The following COL23A1 variants were observed in gnomAD, a reference collection of about 807,000 sequenced individuals.
COL23A1 encodes collagen alpha-1(XXIII) chain.
COL23A1 carries 97 observed loss-of-function variants against 99.3 expected under a neutral mutation model. The observed-to-expected ratio is 0.98, with a 90% CI of 0.83 to 1.16. The LOEUF is 1.16. Among genes scored for constraint, COL23A1 ranks in the 50% most tolerant of loss-of-function variants. The probability of loss-of-function intolerance (pLI) is 0.00; values close to 1 mark genes in which losing one functional copy is unlikely to be tolerated. For missense variants in COL23A1, 762 were observed against 757.4 expected, an observed-to-expected ratio of 1.01 and a Z score of -0.07; for synonymous variants, 320 against 308.2, an observed-to-expected ratio of 1.04 and a Z score of -0.40.
intron 2 of COL23A1, among the ~76,000 whole-genome samples, chr5:178,505,888 G>A (rs1314393926): frequency 6.6e-6 from 1 of 152,070 alleles, no homozygotes; most frequent in Non-Finnish European, 1.5e-5. Flanking sequence ...GTCAGTGAGG[G>A]TGCAAACACC....
rs186904981 is a variant in COL23A1, at chr5:178,492,615, A to G, written c.361+68067T>C. ...GAAGCGCTGCAGTGATCCATGCCACAACGCAAATGCACCTCGAGGATGTTA... is the reference window on the plus strand; with the variant it reads ...GAAGCGCTGCAGTGATCCATGCCACGACGCAAATGCACCTCGAGGATGTTA... On this transcript the variant is annotated intron_variant, in intron 2 of 28. Transcript: ENST00000390654. Among the ~76,000 whole-genome samples the G allele has an allele frequency of 4.6e-5, 7 of 152,002 alleles. No individual in the cohort carries two copies. The East Asian group carries it at 1.4e-3, about 29-fold the overall frequency.
Position 178,479,908 on chromosome 5 carries a change from C to G in COL23A1, c.361+80774G>C, listed in dbSNP as rs909688361. Among the ~76,000 whole-genome samples the G allele has an allele frequency of 2.0e-5, 3 of 152,236 alleles. No homozygotes were observed. The East Asian group carries it at 5.8e-4, about 29-fold the overall frequency. ...TGAACTTACACAAACCTAGATGGGG[C>G]GGCCTACTGCACACCCAGGCTGTGT... On this transcript the variant is annotated intron_variant, in intron 2 of 28. Coordinates refer to ENST00000390654, the MANE Select transcript of COL23A1 (RefSeq NM_173465.4).
At chr5:178,324,485 C>CG in intron 2 of COL23A1, among the ~76,000 whole-genome samples, 1 of 152,222 alleles carries the variant, frequency 6.6e-6, no homozygotes, top group South Asian at 2.1e-4. Context: ...CTACAATGAC[C>CG]ACGACCGCTG....
intron 1 of COL23A1, among the ~76,000 whole-genome samples, chr5:178,578,079 GCA>G (rs1004513088): frequency 2.7e-4 from 41 of 150,986 alleles, no homozygotes; most frequent in African/African-American, 7.6e-4. Context: ...ACACACTCAT[GCA>G]CACACACATG....
Position 178,366,391 on chromosome 5 carries a change from T to G in COL23A1, c.362-59472A>C, listed in dbSNP as rs1762479924. Among the ~76,000 whole-genome samples, 1 of 152,304 alleles carries G rather than the reference T, an allele frequency of 6.6e-6. No individual in the cohort carries two copies. The highest frequency in any genetic ancestry group is 1.9e-4 in the East Asian group (1 of 5,174). ...TGCTGGTGTGGCTCCACCTGGTCGC[T>G]GGGGTCTGTCTTCCCAGCTCCCATC... On this transcript the variant is annotated intron_variant, in intron 2 of 28. Transcript: ENST00000390654. This position sits in a 1 kb window ranked among gnomAD's most constrained non-coding sequence, Gnocchi z 4.4.
At chr5:178,473,033 G>A (rs1189724938) in intron 2 of COL23A1, among the ~76,000 whole-genome samples, 10 of 152,110 alleles carry the variant, frequency 6.6e-5, no homozygotes, top group Admixed American at 6.5e-4. Flanking sequence ...TGAGGCGAGA[G>A]GATCGCTTGA....
intron 2 of COL23A1, among the ~76,000 whole-genome samples, chr5:178,367,615 G>A (rs1762560008): frequency 6.6e-6 from 1 of 152,182 alleles, no homozygotes; most frequent in African/African-American, 2.4e-5. Flanking sequence ...GGCTGGGGGC[G>A]GGGTCAAACC....
At chr5:178,483,223 G>A (rs1465229380) in intron 2 of COL23A1, among the ~76,000 whole-genome samples, 1 of 152,168 alleles carries the variant, frequency 6.6e-6, no homozygotes, top group Admixed American at 6.5e-5. Context: ...ATATTTGCAT[G>A]TAATTTCACA....
intron 22 of COL23A1, 138 bp downstream of exon 22, chr5:178,247,388 G>T: frequency 2.2e-6 from 2 of 923,900 alleles, no homozygotes; most frequent in Non-Finnish European, 1.7e-6. Flanking sequence ...CTGGGGACTT[G>T]GGACGTTCAG....
chr5:178,522,356 T>C (rs759196530), intron 2 of COL23A1, among the ~76,000 whole-genome samples: 4 of 152,090 alleles, frequency 2.6e-5, no homozygotes, highest in Non-Finnish European at 4.4e-5. Flanking sequence ...AATGAAGACA[T>C]ACATATTTAG....
chr5:178,483,516 T>A (rs909260489), intron 2 of COL23A1, among the ~76,000 whole-genome samples: 2 of 152,190 alleles, frequency 1.3e-5, no homozygotes, highest in Admixed American at 1.3e-4. Context: ...AACTCAGAAG[T>A]GGGAAGGCAC....
chr5:178,304,354 T>C (rs6885751), intron 3 of COL23A1, among the ~76,000 whole-genome samples: 169 of 151,770 alleles, frequency 1.1e-3, no homozygotes, highest in African/African-American at 3.9e-3. Flanking sequence ...CTATTAAAAA[T>C]ACAAAAATTA....
intron 2 of COL23A1, among the ~76,000 whole-genome samples, chr5:178,528,485 GA>G (rs1760449237): frequency 2.0e-5 from 3 of 152,188 alleles, no homozygotes; most frequent in African/African-American, 7.2e-5. Flanking sequence ...CCACAGTGAT[GA>G]GTTCCAAGAT....
chr5:178,255,033 C>A lies in COL23A1; in HGVS notation c.883-7G>T, dbSNP rs748543031. 6.2e-7 allele frequency: 1 copy of A among 1,612,224 alleles called. No individual in the cohort carries two copies. The highest frequency in any genetic ancestry group is 1.7e-5 in the Admixed American group (1 of 59,936). ...CCTTGAGGCCTGGGGCACCCTGAGG[C>A]AGGAAGAAGAGTAAGAATTTCAGGG... On this transcript the variant is annotated splice_polypyrimidine_tract_variant and splice_region_variant and intron_variant, in intron 15 of 28. Transcript: ENST00000390654. This position sits in a 1 kb window ranked among gnomAD's most constrained non-coding sequence, Gnocchi z 4.2.
chr5:178,580,098 C>T (rs558020773), intron 1 of COL23A1, among the ~76,000 whole-genome samples: 9 of 152,062 alleles, frequency 5.9e-5, no homozygotes, highest in Non-Finnish European at 8.8e-5. Context: ...GAGGCCAAGG[C>T]GGGTGGATCA....
At chr5:178,416,785 G>A (rs1182058574) in intron 2 of COL23A1, among the ~76,000 whole-genome samples, 2 of 152,092 alleles carry the variant, frequency 1.3e-5, no homozygotes, top group Admixed American at 1.3e-4. Context: ...GGATGACCCC[G>A]GAATCTAGTT....
intron 2 of COL23A1, among the ~76,000 whole-genome samples, chr5:178,367,904 G>A (rs1186308270): frequency 1.3e-5 from 2 of 152,242 alleles, no homozygotes; most frequent in African/African-American, 4.8e-5. Context: ...GATGAGACCA[G>A]CTGCTGTCCT....
At chr5:178,450,544 C>T (rs1008152111) in intron 2 of COL23A1, among the ~76,000 whole-genome samples, 7 of 152,050 alleles carry the variant, frequency 4.6e-5, no homozygotes, top group Non-Finnish European at 7.4e-5. Flanking sequence ...GCCTCCGAGC[C>T]GCTACACCGG....
intron 2 of COL23A1, among the ~76,000 whole-genome samples, chr5:178,373,644 G>T (rs1465807606): frequency 6.6e-6 from 1 of 152,112 alleles, no homozygotes; most frequent in Admixed American, 6.5e-5. Flanking sequence ...ACAAACTCCT[G>T]ACCTCAGGTG....
Sources: allele counts gnomAD v4.1 joint callset (sites outside exome capture counted in the v4.1 genomes callset), GRCh38; gene constraint gnomAD v4.1.1; non-coding constraint Gnocchi (gnomAD v3.1); transcripts MANE v1.5; gene names NCBI Gene and HGNC (gene_info 2026-07-23, HGNC 2026-07-21).